CHD1L: variants seen among roughly 807,000 people sequenced by gnomAD.
CHD1L encodes the protein chromodomain helicase DNA binding protein 1 like, also known as ATP-dependent chromatin remodeler CHD1L.
A neutral mutation model predicts 115.9 loss-of-function variants in CHD1L; 118 were observed. That is an observed-to-expected ratio of 1.02 (90% CI 0.88 to 1.19). The LOEUF is 1.19. CHD1L is among the 50% of genes most tolerant of loss of function. The pLI, the probability that CHD1L is intolerant of heterozygous loss-of-function variation, is 0.00. For missense variants in CHD1L, 1,179 were observed against 1,065.3 expected, an observed-to-expected ratio of 1.11 and a Z score of -1.49; for synonymous variants, 411 against 387.1, an observed-to-expected ratio of 1.06 and a Z score of -0.72.
upstream of CHD1L, chr1:147,242,638 C>G (rs868983660): frequency 1.2e-5 from 15 of 1,245,536 alleles, no homozygotes; most frequent in Middle Eastern, 3.1e-4. Flanking sequence ...CGCGCGCCCC[C>G]GCGCGTTGGG....
chr1:147,225,035 C>G, the CHD1L span: 1 of 1,482,020 alleles, frequency 6.7e-7, no homozygotes, highest in African/African-American at 1.8e-5. Context: ...GTCATGGTCT[C>G]CCGAGATCTT....
the CHD1L span, chr1:147,209,140 C>T: frequency 8.5e-7 from 1 of 1,173,526 alleles, no homozygotes; most frequent in Admixed American, 2.1e-5. Flanking sequence ...TCATTTCAGG[C>T]CCGGCGCGGT....
intron 1 of CHD1L, among the ~76,000 whole-genome samples, chr1:147,245,359 A>G (rs1401017801): frequency 6.6e-6 from 1 of 152,148 alleles, no homozygotes; most frequent in Non-Finnish European, 1.5e-5. Context: ...GGTACAGAGC[A>G]TTCATTTTGT....
At chr1:147,287,238 T>A (rs1286804666) in intron 18 of CHD1L, among the ~76,000 whole-genome samples, 2 of 152,230 alleles carry the variant, frequency 1.3e-5, no homozygotes, top group African/African-American at 4.8e-5. Context: ...AGTACCAGCT[T>A]GAATAAGTCA....
intron 1 of CHD1L, among the ~76,000 whole-genome samples, chr1:147,249,497 C>T (rs1178481548): frequency 6.7e-6 from 1 of 149,874 alleles, no homozygotes; most frequent in Non-Finnish European, 1.5e-5. Flanking sequence ...CCTCCGCCTC[C>T]TGGGTTCAAG....
chr1:147,234,564 T>TTGGAGTTC, the CHD1L span, among the ~76,000 whole-genome samples: 1 of 152,206 alleles, frequency 6.6e-6, no homozygotes. Flanking sequence ...TGGCATGTAG[T>TTGGAGTTC]TGGAGTTCAA....
the CHD1L span, chr1:147,190,286 C>T: frequency 1.2e-4 from 148 of 1,243,252 alleles, no homozygotes; most frequent in Non-Finnish European, 1.6e-4. Context: ...TGTAAAATTA[C>T]CTCAGAAGGA....
intron 3 of CHD1L, among the ~76,000 whole-genome samples, chr1:147,255,228 TTTTG>T (rs1386440553): frequency 4.6e-5 from 7 of 152,132 alleles, no homozygotes; most frequent in Non-Finnish European, 7.3e-5. Context: ...AGCCATTGTT[TTTTG>T]TTTGTTTGTT....
intron 2 of CHD1L, 28 bp downstream of exon 2, chr1:147,252,763 C>G (rs782380764): frequency 1.3e-6 from 2 of 1,512,828 alleles, no homozygotes; most frequent in East Asian, 4.5e-5. Flanking sequence ...GAGTACTGCT[C>G]ACCGCCACTG....
rs191775338 is a variant in CHD1L at position 147,261,908 on chromosome 1, G to A, written c.576+1990G>A. On this transcript the variant is annotated intron_variant, in intron 6 of 22. Transcript: ENST00000369258. ...TGTTTTCAGTTTATAAAAGTTGGACGCAACCAGCCGGGCGCAGTGGCTCAC... is the reference window on the plus strand; with the variant it reads ...TGTTTTCAGTTTATAAAAGTTGGACACAACCAGCCGGGCGCAGTGGCTCAC... Among the ~76,000 whole-genome samples the A allele has an allele frequency of 7.5e-3, 1,136 of 151,888 alleles. 2 individuals are homozygous for A. The highest frequency in any genetic ancestry group is 0.011 in the Non-Finnish European group (769 of 67,912).
chr1:147,290,364 C>A (rs1244183242), intron 19 of CHD1L, among the ~76,000 whole-genome samples: 4 of 152,166 alleles, frequency 2.6e-5, no homozygotes, highest in Non-Finnish European at 5.9e-5. Context: ...GGATTACACA[C>A]ATAAGCCACT....
chr1:147,191,377 T>C, the CHD1L span, among the ~76,000 whole-genome samples: 195 of 152,280 alleles, frequency 1.3e-3, no homozygotes, highest in African/African-American at 4.5e-3. Context: ...ATCGCCATTC[T>C]AACTGGTGTG....
intron 6 of CHD1L, among the ~76,000 whole-genome samples, chr1:147,264,201 C>A (rs782250646): frequency 2.8e-4 from 43 of 152,290 alleles, no homozygotes; most frequent in Non-Finnish European, 5.0e-4. Context: ...GTTTTCTTCA[C>A]AGGATTATTG....
chr1:147,247,473 C>T (rs1666982634), intron 1 of CHD1L, among the ~76,000 whole-genome samples: 1 of 152,150 alleles, frequency 6.6e-6, no homozygotes, highest in African/African-American at 2.4e-5. Context: ...CCTCTCTCAC[C>T]ATGTGATCTC....
At chr1:147,281,804 T>C (rs1414352630) in intron 15 of CHD1L, among the ~76,000 whole-genome samples, 1 of 151,780 alleles carries the variant, frequency 6.6e-6, no homozygotes. Flanking sequence ...AAAATATATA[T>C]ATATTTATTT....
chr1:147,178,939 T>C, the CHD1L span: 1 of 1,606,268 alleles, frequency 6.2e-7, no homozygotes, highest in East Asian at 2.2e-5. Flanking sequence ...TGCTAAAGGT[T>C]CCAACTACTG....
chr1:147,207,604 A>G, the CHD1L span, among the ~76,000 whole-genome samples: 1 of 152,116 alleles, frequency 6.6e-6, no homozygotes, highest in Non-Finnish European at 1.5e-5. Flanking sequence ...CGGGAAAATT[A>G]CTTAGTTTCT....
At chr1:147,288,830 C>T (rs1156680569) in intron 19 of CHD1L, among the ~76,000 whole-genome samples, 2 of 152,068 alleles carry the variant, frequency 1.3e-5, no homozygotes, top group African/African-American at 4.8e-5. Context: ...CTGTTGGGTG[C>T]CAGGGGAACT....
the CHD1L span, among the ~76,000 whole-genome samples, chr1:147,202,915 A>G: frequency 6.6e-6 from 1 of 152,056 alleles, no homozygotes; most frequent in South Asian, 2.1e-4. Context: ...CATCCCCAAG[A>G]TAGTTTTATC....
Sources: gnomAD v4.1 joint callset for allele counts (sites outside exome capture counted in the v4.1 genomes callset) on GRCh38, gnomAD v4.1.1 for gene constraint, MANE v1.5 for transcripts, NCBI Gene and HGNC (gene_info 2026-07-23, HGNC 2026-07-21) for gene names.